NT5DC1: variants seen among roughly 807,000 people sequenced by gnomAD.
NT5DC1 encodes 5'-nucleotidase domain containing 1, also known as 5'-nucleotidase domain-containing protein 1.
In NT5DC1, 42 loss-of-function variants were observed where a neutral mutation model predicts 59.4. That is an observed-to-expected ratio of 0.71 (90% CI 0.55 to 0.92). The LOEUF is 0.92. Ranked by LOEUF, NT5DC1 falls within the 40% of genes least tolerant of loss-of-function variation. The probability of loss-of-function intolerance (pLI) is 0.00; values close to 1 mark genes in which losing one functional copy is unlikely to be tolerated. For missense variants in NT5DC1, 501 were observed against 537.1 expected, an observed-to-expected ratio of 0.93 and a Z score of 0.66; for synonymous variants, 172 against 188.1, an observed-to-expected ratio of 0.91 and a Z score of 0.70.
intron 6 of NT5DC1, among the ~76,000 whole-genome samples, chr6:116,128,345 C>T (rs1346944573): frequency 6.6e-6 from 1 of 152,150 alleles, no homozygotes; most frequent in Non-Finnish European, 1.5e-5. Context: ...AGCCACACCC[C>T]ACCCAATTGT....
At chr6:116,119,112 T>C (rs1779028712) in intron 6 of NT5DC1, 1 of 152,664 alleles carries the variant, frequency 6.6e-6, no homozygotes, top group Non-Finnish European at 1.5e-5. Flanking sequence ...TTAAAAGTTT[T>C]AAACAGCAAT....
intron 6 of NT5DC1, among the ~76,000 whole-genome samples, chr6:116,135,857 A>G (rs1264773861): frequency 7.7e-5 from 9 of 117,592 alleles, no homozygotes; most frequent in Middle Eastern, 4.1e-3. Flanking sequence ...ATATATATAT[A>G]TATATATATA....
At chr6:116,168,456 C>T (rs1427338996) in intron 6 of NT5DC1, among the ~76,000 whole-genome samples, 1 of 151,818 alleles carries the variant, frequency 6.6e-6, no homozygotes, top group Non-Finnish European at 1.5e-5. Context: ...TTCTATTTTT[C>T]AATTCTCTGA....
chr6:116,103,535 G>A (rs1314806168), intron 1 of NT5DC1, among the ~76,000 whole-genome samples: 1 of 152,028 alleles, frequency 6.6e-6, no homozygotes, highest in African/African-American at 2.4e-5. Context: ...TTCACCCAGA[G>A]GAGTTAGAGT....
At chr6:116,189,475 A>G (rs183882214) in intron 6 of NT5DC1, among the ~76,000 whole-genome samples, 2 of 152,046 alleles carry the variant, frequency 1.3e-5, no homozygotes, top group East Asian at 1.9e-4. Flanking sequence ...TTCTAACTAT[A>G]TTTTGCAAGC....
In NT5DC1 at chr6:116,205,038, G is replaced by A. The variant is rs376032975; in HGVS notation, c.530-16016G>A. ...ACTACATATGTGTGTATGCAAGTCC[G>A]TAGAAATTTATCTGAAAAGTATACA... On this transcript the variant is annotated intron_variant, in intron 6 of 11. Transcript: ENST00000319550. Among the ~76,000 whole-genome samples, 6 of 152,026 alleles carry A rather than the reference G, an allele frequency of 3.9e-5. No individual in the cohort carries two copies. In the South Asian group the frequency reaches 6.2e-4, roughly 16 times the overall value.
intron 6 of NT5DC1, among the ~76,000 whole-genome samples, chr6:116,172,727 T>C (rs1405905945): frequency 1.3e-5 from 2 of 152,188 alleles, no homozygotes; most frequent in East Asian, 1.9e-4. Flanking sequence ...TCCTGAGAAA[T>C]TTTAAAGTAT....
intron 6 of NT5DC1, among the ~76,000 whole-genome samples, chr6:116,154,769 C>A (rs1225259048): frequency 1.3e-5 from 2 of 152,162 alleles, no homozygotes; most frequent in Non-Finnish European, 2.9e-5. Flanking sequence ...AAAAACAAAG[C>A]ACCGTTTGAT....
At chr6:116,144,899 T>A (rs1410485117) in intron 6 of NT5DC1, among the ~76,000 whole-genome samples, 1 of 152,160 alleles carries the variant, frequency 6.6e-6, no homozygotes, top group Non-Finnish European at 1.5e-5. Context: ...AAACAGGGGA[T>A]CTTAGGCTGA....
At chr6:116,209,878 C>T (rs1407741280) in intron 6 of NT5DC1, among the ~76,000 whole-genome samples, 1 of 151,872 alleles carries the variant, frequency 6.6e-6, no homozygotes, top group Non-Finnish European at 1.5e-5. Flanking sequence ...TGCTTCTGAA[C>T]GCAAGTTATT....
chr6:116,223,304 C>A (rs557208479), intron 8 of NT5DC1, among the ~76,000 whole-genome samples, 173 bp downstream of exon 8: 4 of 152,314 alleles, frequency 2.6e-5, no homozygotes, highest in East Asian at 3.9e-4. Context: ...ACAATTATTT[C>A]TTTGCATGTC....
chr6:116,149,287 T>C (rs1193178179), intron 6 of NT5DC1, among the ~76,000 whole-genome samples: 1 of 152,216 alleles, frequency 6.6e-6, no homozygotes, highest in African/African-American at 2.4e-5. Context: ...ATAGCTTAAG[T>C]ATATGTTTTC....
intron 6 of NT5DC1, among the ~76,000 whole-genome samples, chr6:116,216,741 A>G (rs1781694557): frequency 1.3e-5 from 2 of 152,132 alleles, no homozygotes. Flanking sequence ...CCACCTATAA[A>G]TAAACAAAAT....
intron 6 of NT5DC1, among the ~76,000 whole-genome samples, chr6:116,135,614 T>A (rs1020883434): frequency 1.3e-5 from 2 of 151,620 alleles, no homozygotes; most frequent in Non-Finnish European, 2.9e-5. Flanking sequence ...CGAGCTATAT[T>A]TAATATTTAC....
chr6:116,190,109 T>C (rs1284683913), intron 6 of NT5DC1, among the ~76,000 whole-genome samples: 1 of 151,932 alleles, frequency 6.6e-6, no homozygotes, highest in Non-Finnish European at 1.5e-5. Context: ...ACAGAGCTTG[T>C]AGTGGATATT....
chr6:116,158,174 A>G (rs895420346), intron 6 of NT5DC1, among the ~76,000 whole-genome samples: 3 of 152,138 alleles, frequency 2.0e-5, no homozygotes, highest in Non-Finnish European at 2.9e-5. Context: ...ATCTACATTG[A>G]CAATACTGGT....
intron 6 of NT5DC1, among the ~76,000 whole-genome samples, chr6:116,213,229 T>C (rs1217909101): frequency 6.6e-6 from 1 of 152,066 alleles, no homozygotes; most frequent in Non-Finnish European, 1.5e-5. Flanking sequence ...GGGACAGTAG[T>C]CTTCTGAAGG....
At chr6:116,237,113 G>A (rs1782129284) in intron 9 of NT5DC1, 29 bp downstream of exon 9, 2 of 1,227,472 alleles carry the variant, frequency 1.6e-6, no homozygotes, top group Non-Finnish European at 1.2e-6. Context: ...GAAGTCCTCA[G>A]TGCCCACTTG....
chr6:116,167,350 C>T (rs966925788), intron 6 of NT5DC1, among the ~76,000 whole-genome samples: 3 of 151,448 alleles, frequency 2.0e-5, no homozygotes, highest in Non-Finnish European at 4.4e-5. Context: ...GTAATTGGGA[C>T]TACAGGCATG....
Sources: allele counts gnomAD v4.1 joint callset (sites outside exome capture counted in the v4.1 genomes callset), GRCh38; gene constraint gnomAD v4.1.1; transcripts MANE v1.5; gene names NCBI Gene and HGNC (gene_info 2026-07-23, HGNC 2026-07-21).